The following NELL1 variants were observed in gnomAD, a reference collection of about 807,000 sequenced individuals.
NELL1 encodes neural EGFL like 1, also known as protein kinase C-binding protein NELL1.
In NELL1, 76 loss-of-function variants were observed where a neutral mutation model predicts 107.4. The observed-to-expected ratio is 0.71, with a 90% CI of 0.59 to 0.86. The LOEUF (loss-of-function observed/expected upper bound fraction) is 0.86. NELL1 is among the 40% of genes least tolerant of loss of function. The pLI is 0.00. For synonymous variants in NELL1, 353 were observed against 341.2 expected, an observed-to-expected ratio of 1.03 and a Z score of -0.38; for missense variants, 1,024 against 1,005.5, an observed-to-expected ratio of 1.02 and a Z score of -0.25.
At chr11:20,993,258 T>A (rs981700409) in intron 12 of NELL1, among the ~76,000 whole-genome samples, 9 of 152,186 alleles carry the variant, frequency 5.9e-5, no homozygotes, top group African/African-American at 2.2e-4. Flanking sequence ...AACATAATCA[T>A]GATGTCATGA....
At chr11:20,951,110 G>A (rs546242480) in intron 11 of NELL1, among the ~76,000 whole-genome samples, 1 of 152,300 alleles carries the variant, frequency 6.6e-6, no homozygotes, top group Non-Finnish European at 1.5e-5. Context: ...GGCCTAGACT[G>A]GGAATTTGAG....
chr11:21,265,014 G>T (rs1277880411), intron 14 of NELL1, among the ~76,000 whole-genome samples: 1 of 151,962 alleles, frequency 6.6e-6, no homozygotes, highest in Non-Finnish European at 1.5e-5. Flanking sequence ...TAATAGAAAA[G>T]TATTTAATAG....
intron 3 of NELL1, among the ~76,000 whole-genome samples, chr11:20,819,923 A>G (rs1857712851): frequency 6.6e-6 from 1 of 152,230 alleles, no homozygotes; most frequent in Non-Finnish European, 1.5e-5. Flanking sequence ...TAAGGGACAA[A>G]GAGATGATCC....
At chr11:20,959,602 G>A (rs543293265) in intron 11 of NELL1, among the ~76,000 whole-genome samples, 1 of 152,328 alleles carries the variant, frequency 6.6e-6, no homozygotes, top group African/African-American at 2.4e-5. Flanking sequence ...ACATTCATAA[G>A]TGGGAGTTAG....
At chr11:20,792,854 A>C (rs1048733174) in intron 3 of NELL1, among the ~76,000 whole-genome samples, 2 of 151,978 alleles carry the variant, frequency 1.3e-5, no homozygotes, top group African/African-American at 4.8e-5. Context: ...AAACTTATTA[A>C]ACATTTAAAT....
intron 7 of NELL1, among the ~76,000 whole-genome samples, chr11:20,920,152 A>G (rs1199108356): frequency 2.0e-5 from 3 of 152,128 alleles, no homozygotes; most frequent in Non-Finnish European, 4.4e-5. Context: ...TATGATACCA[A>G]TCAGTTGTGG....
intron 15 of NELL1, among the ~76,000 whole-genome samples, chr11:21,376,566 T>C (rs527927164): frequency 4.8e-4 from 73 of 152,210 alleles, no homozygotes; most frequent in Non-Finnish European, 8.1e-4. Flanking sequence ...TTTAGAATAT[T>C]TTTTTCTGGT....
intron 15 of NELL1, among the ~76,000 whole-genome samples, chr11:21,472,937 A>G (rs1170410497): frequency 6.6e-6 from 1 of 151,948 alleles, no homozygotes; most frequent in Non-Finnish European, 1.5e-5. Flanking sequence ...CATTATTTAA[A>G]GTGCCCAGAT....
intron 15 of NELL1, among the ~76,000 whole-genome samples, chr11:21,498,340 TATATATAC>T (rs1216864712): frequency 1.2e-5 from 1 of 85,140 alleles, no homozygotes; most frequent in East Asian, 2.8e-4. Context: ...ATATTATATA[TATATATAC>T]ATATATATAT....
intron 17 of NELL1, among the ~76,000 whole-genome samples, chr11:21,567,750 A>G (rs1857005261): frequency 1.3e-5 from 2 of 151,852 alleles, no homozygotes; most frequent in Admixed American, 1.3e-4. Flanking sequence ...AAGTCCATCA[A>G]GTTTTCAGAT....
At chr11:20,753,229 G>A (rs1856182982) in intron 2 of NELL1, among the ~76,000 whole-genome samples, 1 of 152,218 alleles carries the variant, frequency 6.6e-6, no homozygotes, top group South Asian at 2.1e-4. Flanking sequence ...AGTGAGGGAT[G>A]TGCTAATGGC....
chr11:21,117,923 T>C (rs180995872), intron 13 of NELL1, among the ~76,000 whole-genome samples: 4 of 152,108 alleles, frequency 2.6e-5, no homozygotes, highest in African/African-American at 9.6e-5. Flanking sequence ...GAGAAAATAC[T>C]GTCCTACCTC....
chr11:21,005,430 G>A (rs1253352228), intron 12 of NELL1, among the ~76,000 whole-genome samples: 3 of 152,158 alleles, frequency 2.0e-5, no homozygotes, highest in Admixed American at 6.6e-5. Flanking sequence ...CTGGACAGTG[G>A]CAGGGTTTTT....
intron 3 of NELL1, among the ~76,000 whole-genome samples, chr11:20,804,849 C>G (rs934620289): frequency 6.6e-6 from 1 of 152,134 alleles, no homozygotes; most frequent in Non-Finnish European, 1.5e-5. Context: ...TGATTTCTAT[C>G]TGAATGATCT....
chr11:21,485,373 C>T (rs1044123270), intron 15 of NELL1, among the ~76,000 whole-genome samples: 1 of 152,058 alleles, frequency 6.6e-6, no homozygotes, highest in African/African-American at 2.4e-5. Flanking sequence ...TAGCTGTCTG[C>T]CTATTCTCCT....
intron 8 of NELL1, among the ~76,000 whole-genome samples, 186 bp downstream of exon 8, chr11:20,927,628 T>C (rs768933345): frequency 1.3e-5 from 2 of 152,210 alleles, no homozygotes; most frequent in African/African-American, 2.4e-5. Context: ...CTTATATGAA[T>C]ACTTGGAAAT....
intron 12 of NELL1, among the ~76,000 whole-genome samples, chr11:21,045,988 T>C (rs1412409399): frequency 6.6e-6 from 1 of 152,184 alleles, no homozygotes; most frequent in Non-Finnish European, 1.5e-5. Context: ...TCTTTTTCCA[T>C]TGTATTTTGT....
At chr11:20,849,593 T>C in intron 4 of NELL1, among the ~76,000 whole-genome samples, 1 of 152,194 alleles carries the variant, frequency 6.6e-6, no homozygotes, top group Non-Finnish European at 1.5e-5. Flanking sequence ...CAAATATTCC[T>C]TCTGTTTTCT....
rs550121369 is a variant in NELL1 at position 21,091,065 on chromosome 11, T to G, written c.1301-22524T>G. On this transcript the variant is annotated intron_variant, in intron 12 of 19. Transcript: ENST00000357134. ...TACACATTTTCTGGCACATAATAGG[T>G]GTTTAATAAACTGTAGCTATTTTTA... is the stretch of plus-strand genomic sequence containing the variant. Among the ~76,000 whole-genome samples, 24 of 152,314 alleles carry G rather than the reference T, an allele frequency of 1.6e-4. No homozygotes were observed. In the South Asian group the frequency reaches 5.0e-3, roughly 32 times the overall value.
Sources: allele counts gnomAD v4.1 joint callset (sites outside exome capture counted in the v4.1 genomes callset), GRCh38; gene constraint gnomAD v4.1.1; transcripts MANE v1.5; gene names NCBI Gene and HGNC (gene_info 2026-07-23, HGNC 2026-07-21).